The following BCAS3 variants were observed in gnomAD, a reference collection of about 807,000 sequenced individuals.
The protein encoded by BCAS3 is BCAS3 microtubule associated cell migration factor.
A neutral mutation model predicts 116.1 loss-of-function variants in BCAS3; 53 were observed. The observed-to-expected ratio is 0.46, with a 90% CI of 0.37 to 0.57. The LOEUF is 0.57. Among genes scored for constraint, BCAS3 ranks in the 20% least tolerant of loss-of-function variants. BCAS3 has a pLI of 0.00. For missense variants in BCAS3, 917 were observed against 1,165.4 expected (o/e 0.79, Z 3.10); for synonymous variants, 391 against 408.2 (o/e 0.96, Z 0.51).
chr17:61,391,952 C>A lies in BCAS3; in HGVS notation c.2594-25C>A. On this transcript the variant is annotated intron_variant, in intron 23 of 23. Transcript: ENST00000407086. This position sits in a 1 kb window ranked among gnomAD's most constrained non-coding sequence, Gnocchi z 7.7. ...CTCCCCAGACCCAACTCTAACCAGGCCTGGCCCTCTCCTGTGTCTTGCAGA... is the reference window on the plus strand; with the variant it reads ...CTCCCCAGACCCAACTCTAACCAGGACTGGCCCTCTCCTGTGTCTTGCAGA... 2 of 1,610,732 alleles carry A rather than the reference C, an allele frequency of 1.2e-6. No individual in the cohort carries two copies. Among genetic ancestry groups the A allele is most frequent in the Non-Finnish European group, 1.7e-6 (2 of 1,178,832 alleles).
chr17:60,784,746 A>G (rs2046140812), intron 6 of BCAS3, among the ~76,000 whole-genome samples: 1 of 151,932 alleles, frequency 6.6e-6, no homozygotes, highest in African/African-American at 2.4e-5. Flanking sequence ...TATGAGAGGA[A>G]TGTTTATTTT....
At chr17:61,382,617 C>T (rs917151574) in intron 23 of BCAS3, among the ~76,000 whole-genome samples, 4 of 150,944 alleles carry the variant, frequency 2.6e-5, no homozygotes, top group African/African-American at 9.7e-5. Flanking sequence ...GATTGCACCA[C>T]TGCACTCCAG....
intron 7 of BCAS3, among the ~76,000 whole-genome samples, chr17:60,846,632 T>C (rs1301883680): frequency 1.3e-5 from 2 of 152,172 alleles, no homozygotes; most frequent in Non-Finnish European, 2.9e-5. Context: ...TCAATATATA[T>C]ACATTTAGGG....
intron 19 of BCAS3, among the ~76,000 whole-genome samples, chr17:61,044,547 C>T (rs1374164181): frequency 6.7e-6 from 1 of 150,130 alleles, no homozygotes; most frequent in East Asian, 1.9e-4. Flanking sequence ...CTTCATTTCA[C>T]TTAAAGTCAC....
intron 22 of BCAS3, among the ~76,000 whole-genome samples, chr17:61,360,283 G>A (rs896015688): frequency 2.0e-5 from 3 of 152,178 alleles, no homozygotes; most frequent in African/African-American, 7.2e-5. Context: ...GGAATTACAG[G>A]TGTGAGCCAC....
chr17:61,101,055 C>A (rs1374383724), intron 22 of BCAS3, among the ~76,000 whole-genome samples: 2 of 152,156 alleles, frequency 1.3e-5, no homozygotes, highest in East Asian at 3.9e-4. Flanking sequence ...TGTATGTGAC[C>A]TAAGAACTAT....
chr17:61,007,612 T>G lies in BCAS3; in HGVS notation c.1487-8139T>G, dbSNP rs1462437304. On this transcript the variant is annotated intron_variant, in intron 15 of 23. Coordinates refer to ENST00000407086, the MANE Select transcript of BCAS3 (RefSeq NM_017679.5). The surrounding 1 kb of genome is among the most constrained non-coding windows in gnomAD (Gnocchi z 4.3). ...AGTACACTTTTAATTCTAGTGACAT[T>G]TAATAAGCCCTAGGCAAAGCTCCAT... 6.6e-6 allele frequency among the ~76,000 whole-genome samples: 1 copy of G among 151,944 alleles called. No individual in the cohort carries two copies. The highest frequency in any genetic ancestry group is 1.5e-5 in the Non-Finnish European group (1 of 67,960).
At chr17:60,688,140 G>T (rs946106485) in intron 3 of BCAS3, 2 of 152,220 alleles carry the variant, frequency 1.3e-5, no homozygotes, top group Non-Finnish European at 2.9e-5. Context: ...TGTCCTAAAT[G>T]CAGGATAGCA....
At chr17:60,739,968 T>G (rs2041373291) in intron 5 of BCAS3, among the ~76,000 whole-genome samples, 1 of 152,154 alleles carries the variant, frequency 6.6e-6, no homozygotes, top group African/African-American at 2.4e-5. Flanking sequence ...GTAATTCTTA[T>G]CCTTGCTCTT....
intron 13 of BCAS3, among the ~76,000 whole-genome samples, chr17:60,924,805 A>G (rs1406381942): frequency 1.3e-5 from 2 of 152,002 alleles, no homozygotes; most frequent in African/African-American, 2.4e-5. Context: ...ATTCCAAACT[A>G]GAATATTAAT....
At position 61,270,276 on chromosome 17, in the gene BCAS3, C is replaced by T. The variant is rs369997709; in HGVS notation, c.2426-98051C>T. ...CTGGGATTACAGGTGCCCGCCACCG[C>T]GCCTGGCTAATTTTTGTATTTTTTT... On this transcript the variant is annotated intron_variant, in intron 22 of 23. Transcript: ENST00000407086. Among the ~76,000 whole-genome samples the T allele has an allele frequency of 8.6e-5, 13 of 151,652 alleles. No individual in the cohort carries two copies. The East Asian group carries it at 1.7e-3, about 20-fold the overall frequency.
At chr17:60,699,513 G>C (rs114210235) in intron 4 of BCAS3, among the ~76,000 whole-genome samples, 1,791 of 152,178 alleles carry the variant, frequency 0.012, 28 homozygotes, top group African/African-American at 0.041. Flanking sequence ...GAGCCACCAC[G>C]CCCAGCCAAA....
chr17:60,718,299 G>A (rs2038867966), intron 5 of BCAS3, among the ~76,000 whole-genome samples: 1 of 151,900 alleles, frequency 6.6e-6, no homozygotes, highest in Non-Finnish European at 1.5e-5. Flanking sequence ...AGAACCAGAA[G>A]GGGTTCATAC....
intron 22 of BCAS3, among the ~76,000 whole-genome samples, chr17:61,178,145 A>G (rs530104034): frequency 6.6e-6 from 1 of 152,310 alleles, no homozygotes; most frequent in Non-Finnish European, 1.5e-5. Flanking sequence ...TGGGCTGTAT[A>G]CATTCAATCT....
rs2055836624 is a variant in BCAS3 at position 61,327,526 on chromosome 17, A to G, written c.2426-40801A>G. Among the ~76,000 whole-genome samples, 1 of 151,588 alleles carries G rather than the reference A, an allele frequency of 6.6e-6. No homozygotes were observed. Among genetic ancestry groups the G allele is most frequent in the Admixed American group, 6.6e-5 (1 of 15,218 alleles). ...TGAAGCAAAATTTTTTTTTTTTTAG[A>G]CAGAGTCTCACTCTGTCACCCAGGC... On this transcript the variant is annotated intron_variant, in intron 22 of 23. Coordinates refer to ENST00000407086, the MANE Select transcript of BCAS3 (RefSeq NM_017679.5). The surrounding 1 kb of genome is among the most constrained non-coding windows in gnomAD (Gnocchi z 5.9).
rs561270791 is a variant in BCAS3, at chr17:61,139,473, C to T, written c.2425+54909C>T. Among the ~76,000 whole-genome samples, 1 of 152,282 alleles carries T rather than the reference C, an allele frequency of 6.6e-6. No individual in the cohort carries two copies. The highest frequency in any genetic ancestry group is 6.5e-5 in the Admixed American group (1 of 15,306). On this transcript the variant is annotated intron_variant, in intron 22 of 23. Transcript: ENST00000407086. The surrounding 1 kb of genome is among the most constrained non-coding windows in gnomAD (Gnocchi z 4.7). Reference sequence around the variant, plus strand: ...ATGGCTGCACCCTGTGCATTCTGGGCACACATCATCTGGGCTCAGTGCGGG... The same window carrying T: ...ATGGCTGCACCCTGTGCATTCTGGGTACACATCATCTGGGCTCAGTGCGGG...
intron 4 of BCAS3, among the ~76,000 whole-genome samples, chr17:60,697,460 G>A (rs138935582): frequency 0.07 from 10,633 of 151,850 alleles, 1,242 homozygotes; most frequent in African/African-American, 0.24. Flanking sequence ...GCAGGTGCCC[G>A]TAATCCCAGC....
intron 21 of BCAS3, among the ~76,000 whole-genome samples, chr17:61,080,572 A>T (rs1601066043): frequency 6.6e-6 from 1 of 151,992 alleles, no homozygotes; most frequent in Admixed American, 6.6e-5. Flanking sequence ...ATGAAACCCC[A>T]TCAAAACCCT....
intron 19 of BCAS3, among the ~76,000 whole-genome samples, chr17:61,069,331 G>A (rs1382160521): frequency 6.6e-6 from 1 of 152,106 alleles, no homozygotes; most frequent in Non-Finnish European, 1.5e-5. Context: ...ATGTGATGGA[G>A]AATGGTGCAA....
Sources: allele counts gnomAD v4.1 joint callset (sites outside exome capture counted in the v4.1 genomes callset), GRCh38; gene constraint gnomAD v4.1.1; non-coding constraint Gnocchi (gnomAD v3.1); transcripts MANE v1.5; gene names NCBI Gene and HGNC (gene_info 2026-07-23, HGNC 2026-07-21).